SEC13: variants seen among roughly 807,000 people sequenced by gnomAD.
The protein encoded by SEC13 is protein SEC13 homolog.
A neutral mutation model predicts 49.2 loss-of-function variants in SEC13; 25 were observed. The ratio of observed to expected loss-of-function variants is 0.51; its 90% CI spans 0.37 to 0.71. SEC13 has a LOEUF of 0.71. Ranked by LOEUF, SEC13 falls within the 30% of genes least tolerant of loss-of-function variation. The pLI, the probability that SEC13 is intolerant of heterozygous loss-of-function variation, is 0.00. For missense variants in SEC13, 383 were observed against 417.6 expected, an observed-to-expected ratio of 0.92 and a Z score of 0.72; for synonymous variants, 148 against 163.9, an observed-to-expected ratio of 0.90 and a Z score of 0.74.
At chr3:10,310,447 T>C (rs1377086027) in intron 5 of SEC13, among the ~76,000 whole-genome samples, 3 of 152,072 alleles carry the variant, frequency 2.0e-5, no homozygotes, top group African/African-American at 7.2e-5. Context: ...GCCGAGATCA[T>C]GTCACTGCAC....
At position 10,315,489 on chromosome 3, in the gene SEC13, G is replaced by C. The variant is rs1574888718; in HGVS notation, c.49-53C>G. 3 of 468,674 alleles carry C rather than the reference G, an allele frequency of 6.4e-6. No individual in the cohort carries two copies. In the East Asian group the frequency reaches 1.5e-4, roughly 23 times the overall value. The allele number at this position is 468,674 out of a possible 1,614,324, so 29.0% of individuals were successfully genotyped here. On this transcript the variant is annotated intron_variant, in intron 2 of 8. Transcript: ENST00000350697. ...CTGCAGGCTGGGTGGGTGGGTGGGT[G>C]GGGTGAGGGCTGTCACTACACAGAG...
At chr3:10,308,791 ATTTTTTTTTT>A (rs34572074) in intron 5 of SEC13, among the ~76,000 whole-genome samples, 1 of 115,630 alleles carries the variant, frequency 8.6e-6, no homozygotes, top group African/African-American at 3.2e-5. Context: ...GCTGAGTTGA[ATTTTTTTTTT>A]TTTTTTTTTT....
intron 1 of SEC13, chr3:10,320,731 T>C (rs2059761201): frequency 8.2e-7 from 1 of 1,217,638 alleles, no homozygotes; most frequent in East Asian, 3.6e-5. Context: ...TTACGAACAA[T>C]GCTGAGGGCT....
chr3:10,304,865 T>G (rs1198230751), intron 7 of SEC13, among the ~76,000 whole-genome samples, 168 bp downstream of exon 7: 1 of 152,200 alleles, frequency 6.6e-6, no homozygotes, highest in African/African-American at 2.4e-5. Flanking sequence ...CACTTGTGGC[T>G]TCTGACCAAG....
At chr3:10,316,893 C>T (rs576255461) in intron 2 of SEC13, among the ~76,000 whole-genome samples, 10 of 149,928 alleles carry the variant, frequency 6.7e-5, no homozygotes, top group East Asian at 4.0e-4. Context: ...CCCAGCTACT[C>T]GGGAGTCTGG....
At chr3:10,304,679 G>A (rs775510822) in intron 7 of SEC13, among the ~76,000 whole-genome samples, 10 of 152,322 alleles carry the variant, frequency 6.6e-5, no homozygotes, top group Non-Finnish European at 1.2e-4. Flanking sequence ...AGGGTGGCTT[G>A]GTAGCTAAGC....
intron 5 of SEC13, among the ~76,000 whole-genome samples, chr3:10,309,272 C>T (rs967334378): frequency 2.8e-5 from 4 of 144,540 alleles, no homozygotes; most frequent in African/African-American, 4.9e-5. Context: ...CTCTCAATCT[C>T]AAGTTTCAAA....
intron 1 of SEC13, chr3:10,320,677 G>A (rs2059760359): frequency 3.7e-6 from 4 of 1,088,720 alleles, no homozygotes; most frequent in Non-Finnish European, 4.5e-6. Flanking sequence ...GTAAAGTGTT[G>A]AGAAGAATAG....
intron 7 of SEC13, among the ~76,000 whole-genome samples, chr3:10,304,471 A>G (rs545485683): frequency 1.3e-5 from 2 of 152,094 alleles, no homozygotes; most frequent in South Asian, 4.1e-4. Context: ...CTGGCCGTCT[A>G]TACCTTCTCA....
At chr3:10,309,832 A>G (rs1701138609) in intron 5 of SEC13, among the ~76,000 whole-genome samples, 1 of 152,246 alleles carries the variant, frequency 6.6e-6, no homozygotes, top group African/African-American at 2.4e-5. Flanking sequence ...GGCTCAGGAA[A>G]GTCTAAGCTC....
rs1162388570 is a variant in SEC13 at position 10,301,332 on chromosome 3, T to C, written c.898A>G (p.Ile300Val). ...CCCTGGCCCTTGTTGACATCACTGATGCACACCCACTGCCCATCAACTGAC... is the reference window on the plus strand; with the variant it reads ...CCCTGGCCCTTGTTGACATCACTGACGCACACCCACTGCCCATCAACTGAC... ...KESVDGQWVC[I>V]SDVNKGQGSV... Residue 300 changes from isoleucine to valine, a missense_variant, in exon 9 of 9, where the codon ATC becomes GTC. Coordinates refer to ENST00000350697, the MANE Select transcript of SEC13 (RefSeq NM_183352.3). The C allele has an allele frequency of 1.2e-6, 2 of 1,614,180 alleles. No homozygotes were observed. Among genetic ancestry groups the C allele is most frequent in the Non-Finnish European group, 1.7e-6 (2 of 1,180,036 alleles).
chr3:10,306,005 T>G, intron 5 of SEC13: 1 of 209,468 alleles, frequency 4.8e-6, no homozygotes, highest in Non-Finnish European at 9.6e-6. Context: ...TATTATAAAG[T>G]AATAGATCAA....
At chr3:10,313,888 T>C (rs899556542) in intron 3 of SEC13, 1 of 154,184 alleles carries the variant, frequency 6.5e-6, no homozygotes, top group African/African-American at 2.4e-5. Flanking sequence ...AGTCACTTGA[T>C]CATTTGACAC....
intron 8 of SEC13, chr3:10,303,753 C>T (rs1400094671): frequency 2.0e-6 from 1 of 499,384 alleles, no homozygotes; most frequent in East Asian, 3.8e-5. Flanking sequence ...GGTGATGGGC[C>T]TGACTGGCTC....
intron 8 of SEC13, among the ~76,000 whole-genome samples, chr3:10,302,363 C>T (rs1017583511): frequency 6.6e-6 from 1 of 152,204 alleles, no homozygotes; most frequent in Admixed American, 6.5e-5. Context: ...ACTCAACACA[C>T]TGCAGAATGC....
At position 10,302,967 on chromosome 3, in the gene SEC13, T is replaced by TAGAC. The variant is rs199821413; in HGVS notation, c.855+1058_855+1059insGTCT. Among the ~76,000 whole-genome samples the TAGAC allele has an allele frequency of 1.3e-3, 194 of 152,234 alleles. 1 individual carries two copies. Among genetic ancestry groups the TAGAC allele is most frequent in the African/African-American group, 4.3e-3 (180 of 41,524 alleles). ...CAAATACTGTATGATTCCACTTAGA[T>TAGAC]AGGTCGCTAGAGCAGTCACATTCAC... On this transcript the variant is annotated intron_variant, in intron 8 of 8. Coordinates refer to ENST00000350697, the MANE Select transcript of SEC13 (RefSeq NM_183352.3).
Position 10,312,675 on chromosome 3 carries a change from G to A in SEC13, c.220C>T (p.Leu74=). 1 of 1,614,230 alleles carries A rather than the reference G, an allele frequency of 6.2e-7. No individual in the cohort carries two copies. Among genetic ancestry groups the A allele is most frequent in the East Asian group, 2.2e-5 (1 of 44,890 alleles). Residue 74 remains leucine (L), a synonymous_variant, in exon 4 of 9, where the codon CTG becomes TTG. Transcript: ENST00000350697. The part of the protein sequence containing the change: ...AWAHPMYGNI[L]ASCSYDRKVI... ...TTCCGGTCATAGGAGCACGATGCCA[G>A]GATGTTGCCGTACATGGGGTGAGCC... is the stretch of plus-strand genomic sequence containing the variant.
rs369963277 is a variant in SEC13, at chr3:10,319,137, A to G, written c.4-1043T>C. ...TTTCAGTGTGGAACAGACATTTCTT[A>G]CCATTTTCCCCATTTCATCTTTTCC... On this transcript the variant is annotated intron_variant, in intron 1 of 8. Transcript: ENST00000350697. 11 of 1,608,610 alleles carry G rather than the reference A, an allele frequency of 6.8e-6. No homozygotes were observed. The African/African-American group carries it at 1.5e-4, about 22-fold the overall frequency.
rs1700464109 is a variant in SEC13 at position 10,301,010 on chromosome 3, A to G, written c.*251T>C. On this transcript the variant is annotated 3_prime_UTR_variant, in exon 9 of 9. Transcript: ENST00000350697. ...TGCCTGAACCCAAAGGTACATAAAAATGACCCAAAATAGATTTGAACATCA... is the reference window on the plus strand; with the variant it reads ...TGCCTGAACCCAAAGGTACATAAAAGTGACCCAAAATAGATTTGAACATCA... The G allele has an allele frequency of 6.8e-7, 1 of 1,464,910 alleles. No homozygotes were observed. The highest frequency in any genetic ancestry group is 1.4e-5 in the African/African-American group (1 of 71,596). The allele number at this position is 1,464,910 out of a possible 1,614,324, so 90.7% of individuals were successfully genotyped here. A position where few individuals can be genotyped will look rare whatever the true frequency, so the allele number is the denominator to read the frequency against.
Sources: allele counts gnomAD v4.1 joint callset (sites outside exome capture counted in the v4.1 genomes callset), GRCh38; gene constraint gnomAD v4.1.1; transcripts MANE v1.5; gene names NCBI Gene and HGNC (gene_info 2026-07-23, HGNC 2026-07-21).